SVIL: variants seen among roughly 807,000 people sequenced by gnomAD.
SVIL encodes the protein supervillin.
In SVIL, 101 loss-of-function variants were observed where a neutral mutation model predicts 240.4. The ratio of observed to expected loss-of-function variants is 0.42; its 90% CI spans 0.36 to 0.50. The LOEUF (loss-of-function observed/expected upper bound fraction) is 0.50, where lower values mean the gene tolerates loss of function less well. Ranked by LOEUF, SVIL falls within the 20% of genes least tolerant of loss-of-function variation. SVIL has a pLI of 0.01. For missense variants in SVIL, 2,512 were observed against 2,818.7 expected (o/e 0.89, Z 2.46); for synonymous variants, 999 against 1,100.0 (o/e 0.91, Z 1.82).
chr10:29,542,518 CT>C (rs564908826), intron 6 of SVIL, among the ~76,000 whole-genome samples: 16 of 149,172 alleles, frequency 1.1e-4, no homozygotes, highest in African/African-American at 2.2e-4. Flanking sequence ...CATTTGTTGT[CT>C]TTTTTTTTTA....
intron 1 of SVIL, among the ~76,000 whole-genome samples, chr10:29,633,757 A>G (rs964929790): frequency 1.3e-5 from 2 of 152,156 alleles, no homozygotes; most frequent in African/African-American, 4.8e-5. Flanking sequence ...ACTGAGCTAA[A>G]TTACAAAGAG....
chr10:29,698,832 C>T (rs1422051512), intron 1 of SVIL, among the ~76,000 whole-genome samples: 4 of 152,072 alleles, frequency 2.6e-5, no homozygotes, highest in Non-Finnish European at 5.9e-5. Context: ...GTAACAATTG[C>T]TTAAAGTTGT....
intron 1 of SVIL, among the ~76,000 whole-genome samples, chr10:29,728,624 G>A (rs1178256808): frequency 6.6e-6 from 1 of 152,164 alleles, no homozygotes; most frequent in Non-Finnish European, 1.5e-5. Context: ...GGAAGGAAAG[G>A]AAGGAAGGGA....
At chr10:29,497,953 G>A (rs1001753980) in intron 18 of SVIL, among the ~76,000 whole-genome samples, 17 of 151,394 alleles carry the variant, frequency 1.1e-4, no homozygotes, top group Non-Finnish European at 1.5e-4. Context: ...ATGGTGGCGC[G>A]CGCCTGTGAT....
At chr10:29,497,838 T>C (rs907975021) in intron 18 of SVIL, among the ~76,000 whole-genome samples, 3 of 152,060 alleles carry the variant, frequency 2.0e-5, no homozygotes, top group African/African-American at 7.2e-5. Context: ...TCCCAGCACT[T>C]TGGGAGTCCA....
intron 22 of SVIL, among the ~76,000 whole-genome samples, chr10:29,490,203 C>A (rs1947813828): frequency 6.6e-6 from 1 of 152,002 alleles, no homozygotes; most frequent in Non-Finnish European, 1.5e-5. Context: ...AGGGTCCTAC[C>A]AAGAACGATC....
intron 1 of SVIL, among the ~76,000 whole-genome samples, chr10:29,618,722 AT>A (rs562652299): frequency 0.089 from 12,937 of 145,522 alleles, 709 homozygotes; most frequent in Admixed American, 0.14. Flanking sequence ...CTTGCAGCAG[AT>A]TTTTTTTTTT....
At chr10:29,514,184 TAA>T (rs1467577374) in intron 16 of SVIL, among the ~76,000 whole-genome samples, 3 of 152,122 alleles carry the variant, frequency 2.0e-5, no homozygotes, top group Admixed American at 6.6e-5. Context: ...CCATAAATAT[TAA>T]ATCCATAAAT....
At chr10:29,663,740 T>C (rs1450870453) in intron 2 of SVIL, among the ~76,000 whole-genome samples, 1 of 152,230 alleles carries the variant, frequency 6.6e-6, no homozygotes, top group Non-Finnish European at 1.5e-5. Flanking sequence ...CTGCACTGTA[T>C]GTTTTCAGTG....
chr10:29,677,665 C>T (rs189673865), intron 2 of SVIL, among the ~76,000 whole-genome samples: 1 of 152,304 alleles, frequency 6.6e-6, no homozygotes, highest in East Asian at 1.9e-4. Context: ...AAGCGATCCT[C>T]CATCCTCAGC....
At chr10:29,673,741 C>T (rs1206706797) in intron 2 of SVIL, among the ~76,000 whole-genome samples, 4 of 152,054 alleles carry the variant, frequency 2.6e-5, no homozygotes, top group African/African-American at 2.4e-5. Context: ...GTCCCTCCCT[C>T]GATGTGTGGG....
intron 1 of SVIL, among the ~76,000 whole-genome samples, chr10:29,631,697 C>T (rs1958102279): frequency 6.6e-6 from 1 of 152,154 alleles, no homozygotes; most frequent in African/African-American, 2.4e-5. Context: ...ATCCCTTGAA[C>T]CCGGGAGGCA....
At chr10:29,661,511 C>G (rs1959161925) in intron 2 of SVIL, among the ~76,000 whole-genome samples, 2 of 152,110 alleles carry the variant, frequency 1.3e-5, no homozygotes, top group African/African-American at 4.8e-5. Context: ...TAAGCTGGAG[C>G]CAGACCAGGA....
At chr10:29,643,019 C>T (rs12241089) in intron 3 of SVIL, among the ~76,000 whole-genome samples, 2,748 of 152,256 alleles carry the variant, frequency 0.018, 78 homozygotes, top group African/African-American at 0.062. Context: ...CTACAACATT[C>T]TCCCTTTTGT....
intron 1 of SVIL, among the ~76,000 whole-genome samples, chr10:29,627,975 CT>C (rs1589419022): frequency 1.3e-5 from 2 of 152,226 alleles, no homozygotes; most frequent in East Asian, 3.9e-4. Context: ...ACAGCCAAGC[CT>C]TTTTTTCTAA....
At chr10:29,692,000 C>T (rs1388388462) in intron 1 of SVIL, among the ~76,000 whole-genome samples, 1 of 152,196 alleles carries the variant, frequency 6.6e-6, no homozygotes, top group Non-Finnish European at 1.5e-5. Flanking sequence ...CAACTGGAAA[C>T]ACAGGAAACA....
chr10:29,686,363 T>C (rs1961068590), intron 2 of SVIL, among the ~76,000 whole-genome samples: 2 of 152,206 alleles, frequency 1.3e-5, no homozygotes, highest in East Asian at 1.9e-4. Flanking sequence ...TAGACCTACC[T>C]GGAAAAGCTT....
intron 29 of SVIL, among the ~76,000 whole-genome samples, chr10:29,478,778 G>T (rs1946484558): frequency 6.6e-6 from 1 of 151,330 alleles, no homozygotes; most frequent in Admixed American, 6.6e-5. Context: ...GAAAAAATTA[G>T]CTTGATAATG....
At chr10:29,734,299 A>G (rs920219810) in intron 1 of SVIL, among the ~76,000 whole-genome samples, 1 of 152,230 alleles carries the variant, frequency 6.6e-6, no homozygotes, top group African/African-American at 2.4e-5. Flanking sequence ...ATAGGTGGAA[A>G]GTCCATCAAG....
Sources: gnomAD v4.1 joint callset for allele counts (sites outside exome capture counted in the v4.1 genomes callset) on GRCh38, gnomAD v4.1.1 for gene constraint, MANE v1.5 for transcripts, NCBI Gene and HGNC (gene_info 2026-07-23, HGNC 2026-07-21) for gene names.